KCNQ1: variants seen among roughly 807,000 people sequenced by gnomAD.
The protein encoded by KCNQ1 is potassium voltage-gated channel subfamily Q member 1, also known as potassium voltage-gated channel subfamily KQT member 1.
A neutral mutation model predicts 72.4 loss-of-function variants in KCNQ1; 49 were observed. The observed-to-expected ratio is 0.68, with a 90% CI of 0.54 to 0.86. KCNQ1 has a LOEUF of 0.86. KCNQ1 is among the 40% of genes least tolerant of loss of function. The pLI is 0.00. For missense variants in KCNQ1, 790 were observed against 945.1 expected, an observed-to-expected ratio of 0.84 and a Z score of 2.15; for synonymous variants, 450 against 412.6, an observed-to-expected ratio of 1.09 and a Z score of -1.10.
chr11:2,547,389 C>T lies in KCNQ1; in HGVS notation c.477+19371C>T, dbSNP rs986391512. Among the ~76,000 whole-genome samples the T allele has an allele frequency of 7.9e-5, 12 of 152,202 alleles. No individual in the cohort carries two copies. The highest frequency in any genetic ancestry group is 3.4e-3 in the Middle Eastern group (1 of 294). On this transcript the variant is annotated intron_variant, in intron 2 of 15. Coordinates refer to ENST00000155840, the MANE Select transcript of KCNQ1 (RefSeq NM_000218.3). This position sits in a 1 kb window ranked among gnomAD's most constrained non-coding sequence, Gnocchi z 4.2. Reference sequence around the variant, plus strand: ...GGGATTATAGGTGGGCGCCACCACACCTGGCTAATTTTTTTTGTATTATTA... The same window carrying T: ...GGGATTATAGGTGGGCGCCACCACATCTGGCTAATTTTTTTTGTATTATTA...
chr11:2,475,336 G>A lies in KCNQ1; in HGVS notation c.386+29852G>A, dbSNP rs1356598305. Among the ~76,000 whole-genome samples the A allele has an allele frequency of 2.0e-5, 3 of 152,200 alleles. No individual in the cohort carries two copies. The highest frequency in any genetic ancestry group is 4.4e-5 in the Non-Finnish European group (3 of 68,030). On this transcript the variant is annotated intron_variant, in intron 1 of 15. Coordinates refer to ENST00000155840, the MANE Select transcript of KCNQ1 (RefSeq NM_000218.3). This position sits in a 1 kb window ranked among gnomAD's most constrained non-coding sequence, Gnocchi z 5.8. ...GGAATTCCCTTCCTTTCTGAGCTGA[G>A]TAGTGGTCTGTGGTGTGGATGGACT...
At chr11:2,618,296 C>T in intron 10 of KCNQ1, 2 of 398,538 alleles carry the variant, frequency 5.0e-6, no homozygotes, top group Admixed American at 4.4e-5. Context: ...ACAATAACAA[C>T]AGCTGATGGG....
At position 2,567,407 on chromosome 11, in the gene KCNQ1, GGGGT is replaced by G. The variant is rs2133720977; in HGVS notation, c.478-3217_478-3214del. ...ACTGGGGATGTGGTCCCGTGAATCA[GGGGT>G]GGGCCATGGCATGGCGTGGGGGACC... On this transcript the variant is annotated intron_variant, in intron 2 of 15. Transcript: ENST00000155840. The surrounding 1 kb of genome is among the most constrained non-coding windows in gnomAD (Gnocchi z 6.6). 6.6e-6 allele frequency among the ~76,000 whole-genome samples: 1 copy of G among 152,250 alleles called. No homozygotes were observed. The highest frequency in any genetic ancestry group is 2.4e-5 in the African/African-American group (1 of 41,548).
chr11:2,733,696 A>G (rs1845889722), intron 11 of KCNQ1, among the ~76,000 whole-genome samples: 1 of 151,588 alleles, frequency 6.6e-6, no homozygotes, highest in African/African-American at 2.4e-5. Flanking sequence ...TTGGCCTCAG[A>G]TCTGAAGCTA....
intron 15 of KCNQ1, among the ~76,000 whole-genome samples, chr11:2,804,675 T>A (rs764878027): frequency 1.3e-5 from 2 of 150,684 alleles, no homozygotes; most frequent in Non-Finnish European, 2.9e-5. Flanking sequence ...CTGCCCAGCG[T>A]GAAGCTGCAG....
At chr11:2,455,432 A>C (rs2133573353) in intron 1 of KCNQ1, among the ~76,000 whole-genome samples, 1 of 152,274 alleles carries the variant, frequency 6.6e-6, no homozygotes, top group African/African-American at 2.4e-5. Context: ...TGATGTTCAA[A>C]CTCAGAGCCA....
Position 2,570,638 on chromosome 11 carries a change from T to C in KCNQ1, c.488T>C (p.Leu163Pro). Residue 163 changes from leucine to proline, a missense_variant, in exon 3 of 16, where the codon CTG (leucine) becomes CCG (proline). Transcript: ENST00000155840. ...TGTLFWMEIV[L>P]VVFFGTEYVV... The stretch of plus-strand genomic sequence containing the variant: ...ACTCTGTCCCTGCAGGAGATCGTGC[T>C]GGTGGTGTTCTTCGGGACGGAGTAC... The C allele has an allele frequency of 6.2e-7, 1 of 1,612,742 alleles. No homozygotes were observed. Among genetic ancestry groups the C allele is most frequent in the Non-Finnish European group, 8.5e-7 (1 of 1,179,956 alleles).
intron 1 of KCNQ1, among the ~76,000 whole-genome samples, chr11:2,474,122 T>A (rs1341356470): frequency 6.6e-6 from 1 of 152,134 alleles, no homozygotes; most frequent in Non-Finnish European, 1.5e-5. Context: ...GAAACAGGCT[T>A]TCCTCACTGA....
At position 2,447,791 on chromosome 11, in the gene KCNQ1, C is replaced by T. The variant is rs1846063093; in HGVS notation, c.386+2307C>T. ...AGCCTGGCCTTGAAGAGCCAGGGCC[C>T]AGGCATGTGTGCAGGGGGGTTGAGG... On this transcript the variant is annotated intron_variant, in intron 1 of 15. Coordinates refer to ENST00000155840, the MANE Select transcript of KCNQ1 (RefSeq NM_000218.3). This position sits in a 1 kb window ranked among gnomAD's most constrained non-coding sequence, Gnocchi z 7.6. Among the ~76,000 whole-genome samples the T allele has an allele frequency of 6.6e-6, 1 of 152,192 alleles. No individual in the cohort carries two copies. Among genetic ancestry groups the T allele is most frequent in the African/African-American group, 2.4e-5 (1 of 41,446 alleles).
chr11:2,559,341 G>C lies in KCNQ1; in HGVS notation c.478-11287G>C, dbSNP rs1848124139. On this transcript the variant is annotated intron_variant, in intron 2 of 15. Transcript: ENST00000155840. The surrounding 1 kb of genome is among the most constrained non-coding windows in gnomAD (Gnocchi z 4.9). ...TAGGCCAGGGGTAGACGCAGGCACA[G>C]GGAGGATCAGGAAAGCCCTGGATCT... Among the ~76,000 whole-genome samples the C allele has an allele frequency of 6.6e-6, 1 of 152,200 alleles. No individual in the cohort carries two copies. The highest frequency in any genetic ancestry group is 1.5e-5 in the Non-Finnish European group (1 of 68,030).
rs1590112642 is a variant in KCNQ1, at chr11:2,824,773, T to G, written c.1795-22994T>G. 7.0e-6 allele frequency among the ~76,000 whole-genome samples: 1 copy of G among 143,698 alleles called. No individual in the cohort carries two copies. Among genetic ancestry groups the G allele is most frequent in the East Asian group, 2.0e-4 (1 of 4,906 alleles). 94.3% of individuals were successfully genotyped at this position (143,698 alleles called of 152,430 possible). A position where few individuals can be genotyped will look rare whatever the true frequency, so the allele number is the denominator to read the frequency against. Reference sequence around the variant, plus strand: ...CCGGGACAGCTTTGAGGAAGGAACGTCCCCTGGGTTCCACACCACAGAGCC... The same window carrying G: ...CCGGGACAGCTTTGAGGAAGGAACGGCCCCTGGGTTCCACACCACAGAGCC... On this transcript the variant is annotated intron_variant, in intron 15 of 15. Coordinates refer to ENST00000155840, the MANE Select transcript of KCNQ1 (RefSeq NM_000218.3). This position sits in a 1 kb window ranked among gnomAD's most constrained non-coding sequence, Gnocchi z 5.9.
chr11:2,660,829 C>A (rs1213314505), intron 10 of KCNQ1: 1 of 398,428 alleles, frequency 2.5e-6, no homozygotes, highest in Non-Finnish European at 4.4e-6. Flanking sequence ...AAGGACACAC[C>A]CTCTCACCCT....
chr11:2,503,455 C>T (rs1033629188), intron 1 of KCNQ1, among the ~76,000 whole-genome samples: 2 of 150,132 alleles, frequency 1.3e-5, no homozygotes, highest in African/African-American at 4.9e-5. Flanking sequence ...AACCAAACAC[C>T]GCATGTTCTC....
intron 7 of KCNQ1, among the ~76,000 whole-genome samples, chr11:2,584,897 A>G (rs1848570106): frequency 6.6e-6 from 1 of 152,130 alleles, no homozygotes; most frequent in South Asian, 2.1e-4. Context: ...CCCAGTGCCC[A>G]GTATGACCCC....
chr11:2,474,680 G>A (rs1423468627), intron 1 of KCNQ1, among the ~76,000 whole-genome samples: 1 of 152,234 alleles, frequency 6.6e-6, no homozygotes, highest in East Asian at 1.9e-4. Flanking sequence ...CGGGAGCTTG[G>A]GCTGAGAGCT....
At chr11:2,832,032 C>T (rs1168019795) in intron 15 of KCNQ1, among the ~76,000 whole-genome samples, 3 of 152,102 alleles carry the variant, frequency 2.0e-5, no homozygotes, top group Non-Finnish European at 4.4e-5. Context: ...CACCTCCAGG[C>T]AGCCCTGCAG....
rs1179069409 is a variant in KCNQ1 at position 2,477,125 on chromosome 11, TG to T, written c.386+31642del. On this transcript the variant is annotated intron_variant, in intron 1 of 15. Coordinates refer to ENST00000155840, the MANE Select transcript of KCNQ1 (RefSeq NM_000218.3). This position sits in a 1 kb window ranked among gnomAD's most constrained non-coding sequence, Gnocchi z 5.0. ...GGAGACAATCTCAGTATGTGTGAGATGAATCTGAACCCTCATCAGAACGTCC... is the reference window on the plus strand; with the variant it reads ...GGAGACAATCTCAGTATGTGTGAGATAATCTGAACCCTCATCAGAACGTCC... Among the ~76,000 whole-genome samples the T allele has an allele frequency of 6.6e-6, 1 of 152,198 alleles. No individual in the cohort carries two copies. The highest frequency in any genetic ancestry group is 1.5e-5 in the Non-Finnish European group (1 of 68,028).
intron 2 of KCNQ1, among the ~76,000 whole-genome samples, chr11:2,558,166 C>T (rs1848099449): frequency 6.6e-6 from 1 of 152,248 alleles, no homozygotes; most frequent in Non-Finnish European, 1.5e-5. Flanking sequence ...CCAGCCCCTA[C>T]ATCACTCCAG....
intron 3 of KCNQ1, among the ~76,000 whole-genome samples, chr11:2,571,006 G>A (rs1038654778): frequency 6.6e-6 from 1 of 152,220 alleles, no homozygotes; most frequent in Non-Finnish European, 1.5e-5. Flanking sequence ...GCCCAGCATA[G>A]CTTCATGGTG....
Sources: allele counts gnomAD v4.1 joint callset (sites outside exome capture counted in the v4.1 genomes callset), GRCh38; gene constraint gnomAD v4.1.1; non-coding constraint Gnocchi (gnomAD v3.1); transcripts MANE v1.5; gene names NCBI Gene and HGNC (gene_info 2026-07-23, HGNC 2026-07-21).